ESR2: variants seen among roughly 807,000 people sequenced by gnomAD.
The protein encoded by ESR2 is estrogen receptor beta.
In ESR2, 36 loss-of-function variants were observed where a neutral mutation model predicts 49.6. The observed-to-expected ratio is 0.73, with a 90% CI of 0.56 to 0.96. The LOEUF is 0.96. ESR2 is among the 40% of genes least tolerant of loss of function. The pLI, the probability that ESR2 is intolerant of heterozygous loss-of-function variation, is 0.00. For missense variants in ESR2, 714 were observed against 693.0 expected (o/e 1.03, Z -0.34); for synonymous variants, 320 against 266.1 (o/e 1.20, Z -1.97).
chr14:64,317,401 G>T (rs977662403), intron 1 of ESR2, among the ~76,000 whole-genome samples: 2 of 152,236 alleles, frequency 1.3e-5, no homozygotes, highest in African/African-American at 4.8e-5. Flanking sequence ...GCCTCAGGAA[G>T]CTCACAATCA....
chr14:64,303,806 G>T (rs555162705), intron 1 of ESR2: 2 of 152,188 alleles, frequency 1.3e-5, no homozygotes, highest in South Asian at 4.2e-4. Flanking sequence ...TTTATGATTT[G>T]CTTACTATGT....
intron 2 of ESR2, among the ~76,000 whole-genome samples, chr14:64,280,480 G>A (rs2076643824): frequency 6.6e-6 from 1 of 152,192 alleles, no homozygotes; most frequent in Non-Finnish European, 1.5e-5. Context: ...AATGAAAGGA[G>A]TGGCCAGATC....
chr14:64,308,215 A>G (rs986485427), intron 1 of ESR2, among the ~76,000 whole-genome samples: 25 of 151,836 alleles, frequency 1.6e-4, no homozygotes, highest in African/African-American at 6.0e-4. Context: ...CGGTCTCACC[A>G]TGTTGCCCAG....
At chr14:64,234,919 G>A in intron 8 of ESR2, 51 bp downstream of exon 8, 2 of 1,593,084 alleles carry the variant, frequency 1.3e-6, no homozygotes, top group Middle Eastern at 1.8e-4. Flanking sequence ...CCTCCGTGGA[G>A]CACATAATCC....
chr14:64,264,307 T>C (rs568900047), intron 4 of ESR2, among the ~76,000 whole-genome samples: 3 of 152,210 alleles, frequency 2.0e-5, no homozygotes, highest in Non-Finnish European at 2.9e-5. Context: ...TGACTAGTTA[T>C]AGTAGAAGAA....
chr14:64,227,186 C>T, downstream of ESR2: 1 of 298,832 alleles, frequency 3.3e-6, no homozygotes, highest in Non-Finnish European at 6.1e-6. Flanking sequence ...GTCCCCTCCT[C>T]CCCTTCTCTG....
Position 64,233,651 on chromosome 14 carries a change from T to A in ESR2, c.1407-328A>T, listed in dbSNP as rs2098729550. The A allele has an allele frequency of 1.8e-5, 5 of 272,978 alleles. No homozygotes were observed. In the South Asian group the frequency reaches 4.3e-4, roughly 23 times the overall value. 16.9% of individuals were successfully genotyped at this position (272,978 alleles called of 1,614,324 possible). A position where few individuals can be genotyped will look rare whatever the true frequency, so the allele number is the denominator to read the frequency against. ...CTCACTCATAGGGGAAATACAGGGT[T>A]AGGTTCCTGCAAGCCTCTGGCCACA... On this transcript the variant is annotated intron_variant, in intron 8 of 8. Transcript: ENST00000341099.
Position 64,268,677 on chromosome 14 carries a change from A to T in ESR2, c.652+118T>A, listed in dbSNP as rs552474098. Reference sequence around the variant, plus strand: ...TGCCCCCTCCAATGTGACAACACGCAAATACTTAATTACTATGTCCCAAAT... The same window carrying T: ...TGCCCCCTCCAATGTGACAACACGCTAATACTTAATTACTATGTCCCAAAT... On this transcript the variant is annotated intron_variant, in intron 4 of 8. Transcript: ENST00000341099. The T allele has an allele frequency of 5.4e-5, 37 of 682,518 alleles. No individual in the cohort carries two copies. The African/African-American group carries it at 5.7e-4, about 11-fold the overall frequency. 42.3% of individuals were successfully genotyped at this position (682,518 alleles called of 1,614,324 possible). A position where few individuals can be genotyped will look rare whatever the true frequency, so the allele number is the denominator to read the frequency against.
At chr14:64,277,773 A>G (rs1181053711) in intron 3 of ESR2, among the ~76,000 whole-genome samples, 3 of 152,208 alleles carry the variant, frequency 2.0e-5, no homozygotes, top group Non-Finnish European at 2.9e-5. Context: ...ATGCAAAGAA[A>G]GGATCATTTA....
chr14:64,276,478 G>A (rs2076560631), intron 3 of ESR2, among the ~76,000 whole-genome samples: 1 of 152,096 alleles, frequency 6.6e-6, no homozygotes, highest in African/African-American at 2.4e-5. Context: ...GCTACCAAGA[G>A]GTTGGAAAAA....
chr14:64,280,301 G>A (rs1160894893), intron 2 of ESR2, 148 bp from the exon 3 acceptor site: 1 of 644,680 alleles, frequency 1.6e-6, no homozygotes, highest in African/African-American at 1.8e-5. Context: ...ATCTGATACA[G>A]CAAAGCTTTT....
intron 1 of ESR2, among the ~76,000 whole-genome samples, chr14:64,304,883 CA>C (rs752318036): frequency 1.3e-4 from 19 of 150,368 alleles, no homozygotes; most frequent in Non-Finnish European, 2.2e-4. Flanking sequence ...GTCAAACAAA[CA>C]AACAAACAAT....
rs565530872 is a variant in ESR2 at position 64,240,563 on chromosome 14, C to G, written c.1226-5413G>C. On this transcript the variant is annotated intron_variant, in intron 7 of 8. Transcript: ENST00000341099. ...CCAGGTATACCTGACATGCAATAAC[C>G]TGCACATATTTTGCGTGTACGATTT... 2.6e-5 allele frequency among the ~76,000 whole-genome samples: 4 copies of G among 152,302 alleles called. No homozygotes were observed. The South Asian group carries it at 8.3e-4, about 32-fold the overall frequency.
chr14:64,284,004 C>A (rs934696293), intron 1 of ESR2, among the ~76,000 whole-genome samples: 1 of 151,906 alleles, frequency 6.6e-6, no homozygotes, highest in African/African-American at 2.4e-5. Flanking sequence ...CGGCTCACTG[C>A]AACCTCCTGC....
At chr14:64,287,915 C>G (rs2076807655) in intron 1 of ESR2, among the ~76,000 whole-genome samples, 1 of 152,208 alleles carries the variant, frequency 6.6e-6, no homozygotes, top group Non-Finnish European at 1.5e-5. Flanking sequence ...AAAAAATTGT[C>G]TCTAAAGAGT....
In ESR2 at chr14:64,250,851, G is replaced by A. The variant is rs72548755; in HGVS notation, c.1092-1172C>T. On this transcript the variant is annotated intron_variant, in intron 6 of 8. Coordinates refer to ENST00000341099, the MANE Select transcript of ESR2 (RefSeq NM_001437.3). ...GGCACTCACCGGGATCCTGCATTCC[G>A]AAGCACTCACACTCTCCCACCCAGA... Among the ~76,000 whole-genome samples, 567 of 152,196 alleles carry A rather than the reference G, an allele frequency of 3.7e-3. 1 individual carries two copies. The highest frequency in any genetic ancestry group is 0.012 in the African/African-American group (515 of 41,512).
chr14:64,306,391 C>T, intron 1 of ESR2, among the ~76,000 whole-genome samples: 1 of 152,160 alleles, frequency 6.6e-6, no homozygotes, highest in Non-Finnish European at 1.5e-5. Context: ...AGCAGCAACA[C>T]AAACCTTCAT....
intron 6 of ESR2, 68 bp downstream of exon 6, chr14:64,257,158 T>C: frequency 6.8e-7 from 1 of 1,472,950 alleles, no homozygotes; most frequent in Non-Finnish European, 9.5e-7. Context: ...CACCCAGGAC[T>C]TTGTTCCCAC....
chr14:64,235,410 G>A (rs772706517), intron 7 of ESR2, among the ~76,000 whole-genome samples: 11 of 152,240 alleles, frequency 7.2e-5, no homozygotes, highest in Non-Finnish European at 1.0e-4. Flanking sequence ...GCCCATAATT[G>A]TGGCCTTGCC....
Sources: allele counts gnomAD v4.1 joint callset (sites outside exome capture counted in the v4.1 genomes callset), GRCh38; gene constraint gnomAD v4.1.1; transcripts MANE v1.5; gene names NCBI Gene and HGNC (gene_info 2026-07-23, HGNC 2026-07-21).